DLG2: variants seen among roughly 807,000 people sequenced by gnomAD.
DLG2 encodes disks large homolog 2.
DLG2 carries 45 observed loss-of-function variants against 132.5 expected under a neutral mutation model. That is an observed-to-expected ratio of 0.34 (90% CI 0.27 to 0.44). The LOEUF is 0.44. Among genes scored for constraint, DLG2 ranks in the 20% least tolerant of loss-of-function variants. The pLI, the probability that DLG2 is intolerant of heterozygous loss-of-function variation, is 1.00. For synonymous variants in DLG2, 424 were observed against 419.6 expected (o/e 1.01, Z -0.13); for missense variants, 1,045 against 1,196.9 (o/e 0.87, Z 1.87).
intron 7 of DLG2, among the ~76,000 whole-genome samples, chr11:84,331,617 G>C (rs570537199): frequency 6.6e-6 from 1 of 151,374 alleles, no homozygotes; most frequent in East Asian, 2.0e-4. Context: ...GGTGGGTGGT[G>C]GTGGGAAACA....
chr11:83,650,245 T>G (rs2069740647), intron 18 of DLG2, among the ~76,000 whole-genome samples: 1 of 152,176 alleles, frequency 6.6e-6, no homozygotes, highest in South Asian at 2.1e-4. Context: ...ATTAAGGGTT[T>G]TGAGATGGGG....
At chr11:85,308,057 G>A (rs2080066798) in intron 3 of DLG2, among the ~76,000 whole-genome samples, 1 of 151,994 alleles carries the variant, frequency 6.6e-6, no homozygotes, top group South Asian at 2.1e-4. Context: ...CAGAGGCTGA[G>A]GCAGGAGAAT....
intron 5 of DLG2, among the ~76,000 whole-genome samples, chr11:85,134,034 G>A (rs370766224): frequency 1.4e-5 from 2 of 140,436 alleles, no homozygotes; most frequent in Non-Finnish European, 1.6e-5. Context: ...ATGAGGGAGA[G>A]TGAGGGAGAG....
At chr11:84,198,186 AAT>A (rs2096547162) in intron 8 of DLG2, among the ~76,000 whole-genome samples, 1 of 152,128 alleles carries the variant, frequency 6.6e-6, no homozygotes, top group Non-Finnish European at 1.5e-5. Context: ...TATAGATGAG[AAT>A]ATGACCAGCC....
Position 84,148,473 on chromosome 11 carries a change from C to T in DLG2, c.624+14988G>A, listed in dbSNP as rs547132249. On this transcript the variant is annotated intron_variant, in intron 9 of 27. Transcript: ENST00000376104. ...ATTCTCACTTATAAGTGAGAACACA[C>T]AGTATTTGGCTTTCTGTTTCTGCGT... Among the ~76,000 whole-genome samples, 3 of 152,214 alleles carry T rather than the reference C, an allele frequency of 2.0e-5. No homozygotes were observed. The South Asian group carries it at 6.2e-4, about 32-fold the overall frequency.
At chr11:85,047,161 C>A (rs1050081892) in intron 6 of DLG2, among the ~76,000 whole-genome samples, 2 of 151,838 alleles carry the variant, frequency 1.3e-5, no homozygotes, top group African/African-American at 2.4e-5. Context: ...GGAAATTATT[C>A]TTCTTATAAA....
At chr11:85,440,685 A>G (rs771455795) in intron 3 of DLG2, among the ~76,000 whole-genome samples, 4 of 152,202 alleles carry the variant, frequency 2.6e-5, no homozygotes, top group Non-Finnish European at 5.9e-5. Context: ...TATTTTTTCC[A>G]GAGGGAAATA....
At chr11:84,577,009 T>C (rs1439596712) in intron 6 of DLG2, among the ~76,000 whole-genome samples, 1 of 152,126 alleles carries the variant, frequency 6.6e-6, no homozygotes, top group Non-Finnish European at 1.5e-5. Context: ...GGCCAGTCTT[T>C]CCCATGCTAT....
At chr11:85,105,408 T>C (rs1012850616) in intron 6 of DLG2, among the ~76,000 whole-genome samples, 2 of 151,896 alleles carry the variant, frequency 1.3e-5, no homozygotes, top group Admixed American at 1.3e-4. Flanking sequence ...AAGAGCAACA[T>C]ATCTATTCTA....
At chr11:84,841,313 T>C (rs1389018719) in intron 6 of DLG2, among the ~76,000 whole-genome samples, 1 of 151,934 alleles carries the variant, frequency 6.6e-6, no homozygotes, top group Admixed American at 6.6e-5. Flanking sequence ...GAAAGTTGGG[T>C]TGTGAAAGAA....
At chr11:85,486,939 A>G (rs2093442407) in intron 3 of DLG2, among the ~76,000 whole-genome samples, 2 of 151,892 alleles carry the variant, frequency 1.3e-5, no homozygotes, top group Non-Finnish European at 2.9e-5. Flanking sequence ...ACAATGGTCC[A>G]ACTAGTGTCC....
chr11:84,328,442 GGACATT>G (rs2098443551), intron 7 of DLG2, among the ~76,000 whole-genome samples: 1 of 152,092 alleles, frequency 6.6e-6, no homozygotes, highest in African/African-American at 2.4e-5. Flanking sequence ...AAATATAAAT[GGACATT>G]TCTTTTACTC....
intron 6 of DLG2, among the ~76,000 whole-genome samples, chr11:84,722,567 A>C (rs2061952862): frequency 6.6e-6 from 1 of 152,198 alleles, no homozygotes; most frequent in Non-Finnish European, 1.5e-5. Flanking sequence ...GCTTATTATA[A>C]ATATGGATTA....
At chr11:85,161,657 A>C (rs2078038804) in intron 4 of DLG2, among the ~76,000 whole-genome samples, 1 of 152,170 alleles carries the variant, frequency 6.6e-6, no homozygotes, top group South Asian at 2.1e-4. Context: ...CAAGGCACTC[A>C]CTTTACAGCT....
chr11:84,787,324 T>C (rs1335348058), intron 6 of DLG2, among the ~76,000 whole-genome samples: 1 of 152,188 alleles, frequency 6.6e-6, no homozygotes, highest in East Asian at 1.9e-4. Context: ...TTGAATTCTG[T>C]CTTTTTAACT....
intron 18 of DLG2, among the ~76,000 whole-genome samples, chr11:83,656,613 C>T (rs186374578): frequency 2.4e-4 from 36 of 152,280 alleles, no homozygotes; most frequent in Non-Finnish European, 4.1e-4. Context: ...TTTATTCTTA[C>T]CTTTCTTCAA....
intron 3 of DLG2, among the ~76,000 whole-genome samples, chr11:85,440,638 T>A (rs747854297): frequency 2.6e-5 from 4 of 152,236 alleles, no homozygotes; most frequent in Admixed American, 1.3e-4. Flanking sequence ...AATGTGTGTC[T>A]CTCAACTAGG....
intron 7 of DLG2, among the ~76,000 whole-genome samples, chr11:84,419,561 T>G (rs192983950): frequency 9.5e-4 from 144 of 152,238 alleles, no homozygotes; most frequent in African/African-American, 3.4e-3. Flanking sequence ...AATTTTATGA[T>G]CATTTCTCTT....
chr11:84,384,095 C>CT (rs200117797), intron 7 of DLG2, among the ~76,000 whole-genome samples: 11,237 of 122,012 alleles, frequency 0.092, 1,122 homozygotes, highest in African/African-American at 0.25. Flanking sequence ...CTCGATGACG[C>CT]TTTTTTTTTT....
Sources: allele counts gnomAD v4.1 joint callset (sites outside exome capture counted in the v4.1 genomes callset), GRCh38; gene constraint gnomAD v4.1.1; transcripts MANE v1.5; gene names NCBI Gene and HGNC (gene_info 2026-07-23, HGNC 2026-07-21).